Variants in ZNF354C observed in about 807,000 individuals in gnomAD.
ZNF354C encodes KRAB-zinc finger protein synten.
Under a neutral mutation model 12.4 loss-of-function variants are expected in ZNF354C, and 7 were observed. That is an observed-to-expected ratio of 0.56 (90% CI 0.32 to 1.06). The LOEUF is 1.06. Among genes scored for constraint, ZNF354C ranks in the 50% least tolerant of loss-of-function variants. ZNF354C has a pLI of 0.04. For synonymous variants in ZNF354C, 202 were observed against 224.5 expected (o/e 0.90, Z 0.90); for missense variants, 609 against 658.0 (o/e 0.93, Z 0.81).
chr5:179,071,144 C>A (rs1021689479), intron 2 of ZNF354C, among the ~76,000 whole-genome samples: 3 of 152,026 alleles, frequency 2.0e-5, no homozygotes, highest in African/African-American at 7.2e-5. Flanking sequence ...AGCCACTGTG[C>A]CTGACCCTGA....
At chr5:179,061,941 G>A in intron 1 of ZNF354C, 74 bp from the exon 2 acceptor site, 1 of 988,476 alleles carries the variant, frequency 1.0e-6, no homozygotes, top group Non-Finnish European at 1.6e-6. Flanking sequence ...TGGACATTAT[G>A]GGCGGTTGTA....
chr5:179,070,841 CT>C (rs766817856), intron 2 of ZNF354C, among the ~76,000 whole-genome samples: 1,823 of 75,340 alleles, frequency 0.024, 12 homozygotes, highest in African/African-American at 0.089. Flanking sequence ...CTTGATCGCT[CT>C]TTTTTTTTTT....
chr5:179,062,303 C>T (rs1761904404), intron 2 of ZNF354C, among the ~76,000 whole-genome samples: 1 of 152,160 alleles, frequency 6.6e-6, no homozygotes, highest in Admixed American at 6.5e-5. Flanking sequence ...TCTTAATTCA[C>T]CCCGCTCACT....
At chr5:179,071,129 G>A (rs1020874983) in intron 2 of ZNF354C, among the ~76,000 whole-genome samples, 1 of 151,978 alleles carries the variant, frequency 6.6e-6, no homozygotes, top group African/African-American at 2.4e-5. Flanking sequence ...GGGATTACAG[G>A]CGTGAGCCAC....
chr5:179,073,053 A>G (rs1762071382), intron 2 of ZNF354C, among the ~76,000 whole-genome samples: 1 of 152,204 alleles, frequency 6.6e-6, no homozygotes, highest in South Asian at 2.1e-4. Context: ...AAATTGTACT[A>G]CATACAGAGA....
rs1369162221 is a variant in ZNF354C at position 179,079,512 on chromosome 5, G to A, written c.1080G>A (p.Glu360=). 9 of 1,614,174 alleles carry A rather than the reference G, an allele frequency of 5.6e-6. No homozygotes were observed. The highest frequency in any genetic ancestry group is 2.2e-5 in the South Asian group (2 of 91,082). The change falls in exon 5 of 5, where the codon GAG becomes GAA. Residue 360 remains glutamate (E), a synonymous_variant. Transcript: ENST00000315475. This position sits in a 1 kb window ranked among gnomAD's most constrained non-coding sequence, Gnocchi z 4.2. ...HTGEKPYKCS[E]CGKGYSQFTS... ...GTGAGAAACCCTATAAATGTAGTGA[G>A]TGTGGGAAGGGATACAGCCAGTTTA...
At chr5:179,076,307 G>T in intron 2 of ZNF354C, 138 bp from the exon 3 acceptor site, 1 of 1,295,202 alleles carries the variant, frequency 7.7e-7, no homozygotes, top group African/African-American at 1.5e-5. Flanking sequence ...CTAATGGGTG[G>T]TTCCAAAAAT....
At position 179,082,097 on chromosome 5, in the gene ZNF354C, T is replaced by A. The variant is rs1164644592; in HGVS notation, c.*2000T>A. The A allele has an allele frequency of 6.6e-6, 1 of 152,318 alleles. No individual in the cohort carries two copies. The highest frequency in any genetic ancestry group is 1.5e-5 in the Non-Finnish European group (1 of 68,134). The allele number at this position is 152,318 out of a possible 1,614,324, so 9.4% of individuals were successfully genotyped here. The stretch of plus-strand genomic sequence containing the variant: ...TACCATTTTACAACCCTTAATGTAA[T>A]TAAATCTGGCAAAAATCGATGGTAA... On this transcript the variant is annotated 3_prime_UTR_variant, in exon 5 of 5. Transcript: ENST00000315475.
chr5:179,067,224 T>C (rs2411987), intron 2 of ZNF354C, among the ~76,000 whole-genome samples: 1,790 of 152,268 alleles, frequency 0.012, 40 homozygotes, highest in African/African-American at 0.041. Flanking sequence ...ACATGTCAGG[T>C]AGTTGATGCT....
rs1406378903 is a variant in ZNF354C at position 179,072,955 on chromosome 5, T to A, written c.28-3490T>A. Reference sequence around the variant, plus strand: ...GAAGAGCCACATTTCATGTACTTAGTAGCCACATATAGCTAGCTGGTTTCT... The same window carrying A: ...GAAGAGCCACATTTCATGTACTTAGAAGCCACATATAGCTAGCTGGTTTCT... On this transcript the variant is annotated intron_variant, in intron 2 of 4. Transcript: ENST00000315475. Among the ~76,000 whole-genome samples, 3 of 152,194 alleles carry A rather than the reference T, an allele frequency of 2.0e-5. No individual in the cohort carries two copies. The East Asian group carries it at 5.8e-4, about 29-fold the overall frequency.
rs566767164 is a variant in ZNF354C, at chr5:179,077,645, A to G, written c.250+479A>G. ...TAAAAAGAAAGGTAATATGAAAAAA[A>G]TTGTTATTCTTCCAATCACCAGGGA... is the stretch of plus-strand genomic sequence containing the variant. On this transcript the variant is annotated intron_variant, in intron 4 of 4. Transcript: ENST00000315475. 8.5e-5 allele frequency among the ~76,000 whole-genome samples: 13 copies of G among 152,318 alleles called. No homozygotes were observed. In the South Asian group the frequency reaches 2.7e-3, roughly 32 times the overall value.
At chr5:179,066,989 T>A (rs975632403) in intron 2 of ZNF354C, among the ~76,000 whole-genome samples, 20 of 152,218 alleles carry the variant, frequency 1.3e-4, no homozygotes, top group African/African-American at 4.8e-4. Context: ...ATTGTAATTT[T>A]AAATGATCAA....
In ZNF354C at chr5:179,079,391, G is replaced by A. The variant is rs761132435; in HGVS notation, c.959G>A (p.Arg320Lys). Residue 320 changes from arginine to lysine, a missense_variant, in exon 5 of 5, where the codon AGA becomes AAA. By Grantham distance (26) the Arg-to-Lys change is conservative. Coordinates refer to ENST00000315475, the MANE Select transcript of ZNF354C (RefSeq NM_014594.3). The surrounding 1 kb of genome is among the most constrained non-coding windows in gnomAD (Gnocchi z 4.2). The stretch of plus-strand genomic sequence containing the variant: ...TGTTCAACCCTCACTGTACATCAGA[G>A]AATTCATACTGGAGAGAAACTCTAT... ...SQCSTLTVHQRIHTGEKLYKC... is the reference protein window; with the variant it reads ...SQCSTLTVHQKIHTGEKLYKC... 5 of 1,614,094 alleles carry A rather than the reference G, an allele frequency of 3.1e-6. No individual in the cohort carries two copies. Among genetic ancestry groups the A allele is most frequent in the Non-Finnish European group, 4.2e-6 (5 of 1,180,026 alleles).
At chr5:179,061,928 T>C in intron 1 of ZNF354C, 87 bp from the exon 2 acceptor site, 1 of 910,026 alleles carries the variant, frequency 1.1e-6, no homozygotes, top group Non-Finnish European at 1.8e-6. Flanking sequence ...TTTTGAGACC[T>C]GATGGACATT....
chr5:179,077,259 A>C, intron 4 of ZNF354C, 93 bp downstream of exon 4: 1 of 967,196 alleles, frequency 1.0e-6, no homozygotes, highest in Admixed American at 1.9e-5. Context: ...GGAAATACTG[A>C]GTCCTCTTGA....
Position 179,078,717 on chromosome 5 carries a change from T to A in ZNF354C, c.285T>A (p.Pro95=). The change falls in exon 5 of 5, where the codon CCT becomes CCA. Residue 95 remains proline (P), a synonymous_variant. Transcript: ENST00000315475. ...CTTGGCTTGAAACAGAAGCATTGCC[T>A]CATAGACAGGACATTTTTATAGAAG... ...FKTWLETEAL[P]HRQDIFIEET... is the part of the protein sequence containing the mutation. 1 of 1,610,784 alleles carries A rather than the reference T, an allele frequency of 6.2e-7. No homozygotes were observed. Among genetic ancestry groups the A allele is most frequent in the Non-Finnish European group, 8.5e-7 (1 of 1,179,122 alleles).
chr5:179,078,093 G>A (rs974956460), intron 4 of ZNF354C, among the ~76,000 whole-genome samples: 7 of 152,076 alleles, frequency 4.6e-5, no homozygotes, highest in East Asian at 1.9e-4. Context: ...GAGCCACCGC[G>A]CCCGGCCTGT....
At chr5:179,070,382 C>T (rs1468658466) in intron 2 of ZNF354C, among the ~76,000 whole-genome samples, 2 of 152,126 alleles carry the variant, frequency 1.3e-5, no homozygotes, top group Admixed American at 1.3e-4. Context: ...ACATCAGTAA[C>T]ATTGAGTTTG....
At chr5:179,073,270 TACTATAAGATAC>T (rs1762073632) in intron 2 of ZNF354C, among the ~76,000 whole-genome samples, 1 of 152,184 alleles carries the variant, frequency 6.6e-6, no homozygotes, top group Non-Finnish European at 1.5e-5. Context: ...AGCAGGCCTG[TACTATAAGATAC>T]ACTAAAAAGG....
Sources: allele counts gnomAD v4.1 joint callset (sites outside exome capture counted in the v4.1 genomes callset), GRCh38; gene constraint gnomAD v4.1.1; non-coding constraint Gnocchi (gnomAD v3.1); transcripts MANE v1.5; gene names NCBI Gene and HGNC (gene_info 2026-07-23, HGNC 2026-07-21).